Variants in SLC39A10 observed in about 807,000 individuals in gnomAD.
The protein encoded by SLC39A10 is solute carrier family 39 member 10.
A neutral mutation model predicts 65.1 loss-of-function variants in SLC39A10; 13 were observed. The ratio of observed to expected loss-of-function variants is 0.20; its 90% CI spans 0.13 to 0.32. SLC39A10 has a LOEUF of 0.32. Ranked by LOEUF, SLC39A10 falls within the 10% of genes least tolerant of loss-of-function variation. The probability of loss-of-function intolerance (pLI) is 1.00; values close to 1 mark genes in which losing one functional copy is unlikely to be tolerated. For synonymous variants in SLC39A10, 321 were observed against 342.2 expected (o/e 0.94, Z 0.68); for missense variants, 831 against 1,018.4 (o/e 0.82, Z 2.50).
chr2:195,639,119 C>T (rs1475214548), intron 2 of SLC39A10, among the ~76,000 whole-genome samples: 2 of 151,988 alleles, frequency 1.3e-5, no homozygotes, highest in South Asian at 2.1e-4. Flanking sequence ...CCATGCTTGG[C>T]GAATTTTCAG....
chr2:195,735,409 A>C lies in SLC39A10; in HGVS notation c.*368A>C, dbSNP rs1334338991. ...AAAAAAAATCATTTAAACTTTAAAA[A>C]TATTTTAAATGGACTTTGGGGAGAC... is the stretch of plus-strand genomic sequence containing the variant. On this transcript the variant is annotated 3_prime_UTR_variant, in exon 10 of 10. Transcript: ENST00000359634. 1.3e-5 allele frequency: 2 copies of C among 154,844 alleles called. No homozygotes were observed. Among genetic ancestry groups the C allele is most frequent in the African/African-American group, 5.0e-5 (2 of 39,670 alleles). The allele number at this position is 154,844 out of a possible 1,614,324, so 9.6% of individuals were successfully genotyped here. A position where few individuals can be genotyped will look rare whatever the true frequency, so the allele number is the denominator to read the frequency against.
At position 195,737,366 on chromosome 2, in the gene SLC39A10, ATCAATCAATCAATCAATCACATTGCAT is replaced by A. The variant is rs1692673148; in HGVS notation, c.*2337_*2363del. 2.5e-5 allele frequency: 1 copy of A among 39,580 alleles called. No homozygotes were observed. The highest frequency in any genetic ancestry group is 2.3e-4 in the Admixed American group (1 of 4,396). The allele number at this position is 39,580 out of a possible 1,614,324, so 2.5% of individuals were successfully genotyped here. A position where few individuals can be genotyped will look rare whatever the true frequency, so the allele number is the denominator to read the frequency against. On this transcript the variant is annotated 3_prime_UTR_variant, in exon 10 of 10. Coordinates refer to ENST00000359634, the MANE Select transcript of SLC39A10 (RefSeq NM_020342.3). ...GACATCCATATGAATTTTGGTATAT[ATCAATCAATCAATCAATCACATTGCAT>A]TCAATCAATCAGCTGTGATTGATTG...
chr2:195,735,212 C>T lies in SLC39A10; in HGVS notation c.*171C>T. 2 of 503,870 alleles carry T rather than the reference C, an allele frequency of 4.0e-6. No individual in the cohort carries two copies. Among genetic ancestry groups the T allele is most frequent in the Non-Finnish European group, 6.6e-6 (2 of 302,188 alleles). The allele number at this position is 503,870 out of a possible 1,614,324, so 31.2% of individuals were successfully genotyped here. On this transcript the variant is annotated 3_prime_UTR_variant, in exon 10 of 10. Coordinates refer to ENST00000359634, the MANE Select transcript of SLC39A10 (RefSeq NM_020342.3). ...CTGGTGCTTAGTACTGTTTTCCCTG[C>T]ACGTAGGGGTCTTTTAAAAATATAA...
At chr2:195,690,177 A>AGG (rs1690680011) in intron 3 of SLC39A10, among the ~76,000 whole-genome samples, 2 of 137,728 alleles carry the variant, frequency 1.5e-5, no homozygotes, top group African/African-American at 6.1e-5. Flanking sequence ...CTCTCTGAAA[A>AGG]AAAAAAAAAA....
chr2:195,683,715 A>G lies in SLC39A10; in HGVS notation c.1025A>G (p.Gln342Arg). 6.2e-7 allele frequency: 1 copy of G among 1,612,840 alleles called. No homozygotes were observed. Among genetic ancestry groups the G allele is most frequent in the East Asian group, 2.2e-5 (1 of 44,802 alleles). Reference protein sequence around the residue: ...DHHHECLNVTQLLKYYGHGAN... With the variant: ...DHHHECLNVTRLLKYYGHGAN... ...TCCTTGCAGTGTTTGAACGTCACTC[A>G]GTTATTAAAATACTATGGTCATGGT... The change falls in exon 3 of 10, where the codon CAG (glutamine) becomes CGG (arginine). Residue 342 changes from glutamine (Q) to arginine (R), a missense_variant. Physicochemically the swap from Gln to Arg is conservative, Grantham distance 43. Around this residue, in one of 4 missense-constraint regions of SLC39A10, gnomAD observed 446 missense variants for 499.2 expected, o/e 0.89. Transcript: ENST00000359634.
At chr2:195,629,999 G>A (rs574947487) in intron 2 of SLC39A10, among the ~76,000 whole-genome samples, 1 of 152,110 alleles carries the variant, frequency 6.6e-6, no homozygotes, top group Admixed American at 6.5e-5. Context: ...GCCTCCCAAA[G>A]TGCTGGGATT....
intron 2 of SLC39A10, among the ~76,000 whole-genome samples, chr2:195,621,286 C>T (rs1363706181): frequency 1.3e-5 from 2 of 152,042 alleles, no homozygotes; most frequent in Non-Finnish European, 2.9e-5. Flanking sequence ...TATAGATATA[C>T]TATGTTTTTC....
In SLC39A10 at chr2:195,639,404, C is replaced by T. The variant is rs553689467; in HGVS notation, c.-12+33171C>T. Reference sequence around the variant, plus strand: ...ACATTGTATCAGAGCTATCTCCTAGCAACATGATTTATCATTGTTGATGTT... The same window carrying T: ...ACATTGTATCAGAGCTATCTCCTAGTAACATGATTTATCATTGTTGATGTT... On this transcript the variant is annotated intron_variant, in intron 2 of 2. Coordinates refer to the SLC39A10 transcript ENST00000458054. Among the ~76,000 whole-genome samples, 50 of 152,304 alleles carry T rather than the reference C, an allele frequency of 3.3e-4. No individual in the cohort carries two copies. The South Asian group carries it at 9.1e-3, about 28-fold the overall frequency.
At chr2:195,708,147 C>G (rs1691474092) in intron 4 of SLC39A10, among the ~76,000 whole-genome samples, 1 of 152,068 alleles carries the variant, frequency 6.6e-6, no homozygotes, top group Admixed American at 6.6e-5. Context: ...TACAACAACT[C>G]CCCCTGACAT....
chr2:195,705,729 A>G (rs1161805807), intron 3 of SLC39A10, among the ~76,000 whole-genome samples: 1 of 152,210 alleles, frequency 6.6e-6, no homozygotes, highest in East Asian at 1.9e-4. Flanking sequence ...AGATCTTAAA[A>G]TAAGCAGAAT....
chr2:195,657,717 C>A (rs1330500089), intron 1 of SLC39A10: 1 of 833,976 alleles, frequency 1.2e-6, no homozygotes, highest in Non-Finnish European at 1.4e-6. Context: ...CAGGCGCGGG[C>A]GGGCGAGGCT....
chr2:195,616,204 C>T (rs1236060937), intron 2 of SLC39A10, among the ~76,000 whole-genome samples: 5 of 152,136 alleles, frequency 3.3e-5, no homozygotes, highest in African/African-American at 9.7e-5. Context: ...ATCTGCCTGC[C>T]TCGGCCTCCC....
chr2:195,718,122 A>G, intron 7 of SLC39A10, 130 bp from the exon 8 acceptor site: 2 of 612,162 alleles, frequency 3.3e-6, no homozygotes, highest in South Asian at 2.7e-5. Flanking sequence ...TATAGTGTGT[A>G]AGATAAGTGA....
chr2:195,636,438 C>T (rs1688697613), intron 2 of SLC39A10, among the ~76,000 whole-genome samples: 1 of 152,082 alleles, frequency 6.6e-6, no homozygotes, highest in Non-Finnish European at 1.5e-5. Context: ...TAAACAAATG[C>T]ACTTTGTAGT....
At chr2:195,659,755 ACC>A (rs1689309204) in intron 1 of SLC39A10, among the ~76,000 whole-genome samples, 2 of 152,176 alleles carry the variant, frequency 1.3e-5, no homozygotes, top group Admixed American at 1.3e-4. Flanking sequence ...AAATGAGATA[ACC>A]AAAAGGCTGA....
At chr2:195,683,573 A>G (rs1417969920) in intron 2 of SLC39A10, 126 bp from the exon 3 acceptor site, 3 of 678,062 alleles carry the variant, frequency 4.4e-6, no homozygotes, top group East Asian at 5.7e-5. Flanking sequence ...TATTTGTAAT[A>G]GATATCTATG....
At chr2:195,654,465 C>A (rs2105716387), upstream of SLC39A10, among the ~76,000 whole-genome samples, 1 of 152,300 alleles carries the variant, frequency 6.6e-6, no homozygotes, top group South Asian at 2.1e-4. Flanking sequence ...TTTACTATAT[C>A]ATGTCTCACA....
chr2:195,642,204 C>A (rs1003598148), intron 2 of SLC39A10, among the ~76,000 whole-genome samples: 4 of 151,956 alleles, frequency 2.6e-5, no homozygotes, highest in African/African-American at 4.8e-5. Flanking sequence ...TGATCAGAAG[C>A]CAACTAGGCC....
chr2:195,691,858 C>G (rs1690752180), intron 3 of SLC39A10, among the ~76,000 whole-genome samples: 1 of 152,204 alleles, frequency 6.6e-6, no homozygotes, highest in South Asian at 2.1e-4. Flanking sequence ...TGTGCAGAAG[C>G]TTTTTAGTTA....
Sources: allele counts gnomAD v4.1 joint callset (sites outside exome capture counted in the v4.1 genomes callset), GRCh38; gene constraint gnomAD v4.1.1; regional missense constraint gnomAD v4.1.1; transcripts MANE v1.5; gene names NCBI Gene and HGNC (gene_info 2026-07-23, HGNC 2026-07-21).